The following GALNT14 variants were observed in gnomAD, a reference collection of about 807,000 sequenced individuals.
GALNT14 encodes UDP-GalNAc:polypeptide N-acetylgalactosaminyltransferase 14.
A neutral mutation model predicts 77.5 loss-of-function variants in GALNT14; 60 were observed. That is an observed-to-expected ratio of 0.77 (90% CI 0.63 to 0.96). The LOEUF (loss-of-function observed/expected upper bound fraction) is 0.96. Among genes scored for constraint, GALNT14 ranks in the 40% least tolerant of loss-of-function variants. GALNT14 has a pLI of 0.00. For missense variants in GALNT14, 710 were observed against 731.0 expected (o/e 0.97, Z 0.33); for synonymous variants, 280 against 281.7 (o/e 0.99, Z 0.06).
At chr2:30,904,403 G>A in the GALNT14 span, among the ~76,000 whole-genome samples, 21 of 152,224 alleles carry the variant, frequency 1.4e-4, no homozygotes, top group Non-Finnish European at 3.1e-4. Context: ...CTTGGGAAGC[G>A]CAAGGGTTCA....
intron 1 of GALNT14, among the ~76,000 whole-genome samples, chr2:31,012,212 G>C (rs372322727): frequency 3.9e-5 from 6 of 152,126 alleles, no homozygotes; most frequent in Non-Finnish European, 7.4e-5. Flanking sequence ...ACAGAATAAA[G>C]GCCAAGTTCT....
chr2:30,901,914 C>G, the GALNT14 span, among the ~76,000 whole-genome samples: 1 of 152,122 alleles, frequency 6.6e-6, no homozygotes, highest in Non-Finnish European at 1.5e-5. Flanking sequence ...CCTTTAAGAT[C>G]CTTAGAGTGT....
At chr2:31,039,359 C>G (rs1047973580) in intron 1 of GALNT14, among the ~76,000 whole-genome samples, 1 of 152,178 alleles carries the variant, frequency 6.6e-6, no homozygotes, top group Non-Finnish European at 1.5e-5. Context: ...TTGCAGAGAA[C>G]CTTTTTAGTG....
At chr2:30,943,003 G>A (rs1666472515) in intron 8 of GALNT14, among the ~76,000 whole-genome samples, 1 of 152,192 alleles carries the variant, frequency 6.6e-6, no homozygotes, top group African/African-American at 2.4e-5. Context: ...CACACAGAAG[G>A]AAGAGAATGT....
At chr2:30,892,061 G>A in the GALNT14 span, among the ~76,000 whole-genome samples, 1 of 152,164 alleles carries the variant, frequency 6.6e-6, no homozygotes, top group Non-Finnish European at 1.5e-5. Context: ...GATCACCTTC[G>A]ATCACCCTAT....
At chr2:31,015,579 AGACTGCT>A (rs1434848915) in intron 1 of GALNT14, among the ~76,000 whole-genome samples, 1 of 152,236 alleles carries the variant, frequency 6.6e-6, no homozygotes, top group Non-Finnish European at 1.5e-5. Flanking sequence ...TTTATGATGG[AGACTGCT>A]GGCCAGTACC....
At position 31,049,965 on chromosome 2, in the gene GALNT14, G is replaced by C. The variant is rs181954981; in HGVS notation, c.130-56958C>G. Among the ~76,000 whole-genome samples the C allele has an allele frequency of 9.5e-4, 144 of 152,276 alleles. 1 individual carries two copies. Among genetic ancestry groups the C allele is most frequent in the African/African-American group, 3.4e-3 (142 of 41,552 alleles). On this transcript the variant is annotated intron_variant, in intron 1 of 14. Transcript: ENST00000349752. The stretch of plus-strand genomic sequence containing the variant: ...GAAAAGTATGGGACCAGGAGGTAGG[G>C]GTGGGAGGGCCAAATGAACAGAAAA...
intron 6 of GALNT14, among the ~76,000 whole-genome samples, chr2:30,947,791 TG>T (rs1404109925): frequency 1.3e-5 from 2 of 152,246 alleles, no homozygotes; most frequent in African/African-American, 4.8e-5. Flanking sequence ...ATTCACTGAG[TG>T]CCTGATTTTA....
At chr2:31,137,257 C>A (rs1170978770) in intron 1 of GALNT14, among the ~76,000 whole-genome samples, 1 of 152,206 alleles carries the variant, frequency 6.6e-6, no homozygotes, top group African/African-American at 2.4e-5. Context: ...TAAGAGTGAG[C>A]CTATAGGGGG....
intron 9 of GALNT14, 116 bp from the exon 10 acceptor site, chr2:30,932,310 C>G (rs1305704763): frequency 1.0e-6 from 1 of 997,720 alleles, no homozygotes; most frequent in East Asian, 2.9e-5. Flanking sequence ...GACTCTGCAG[C>G]CAGTCTGTAG....
intron 9 of GALNT14, among the ~76,000 whole-genome samples, chr2:30,937,154 G>A (rs1666105171): frequency 6.6e-6 from 1 of 152,218 alleles, no homozygotes; most frequent in African/African-American, 2.4e-5. Context: ...AAAGGGTGAG[G>A]CTGAAAGAGA....
At chr2:31,102,643 C>T (rs1298652743) in intron 1 of GALNT14, among the ~76,000 whole-genome samples, 1 of 152,092 alleles carries the variant, frequency 6.6e-6, no homozygotes, top group Non-Finnish European at 1.5e-5. Flanking sequence ...ACAGGGTTTG[C>T]TATTTATCAA....
intron 2 of GALNT14, among the ~76,000 whole-genome samples, chr2:30,987,662 TCAG>T (rs1454110360): frequency 6.6e-6 from 1 of 152,048 alleles, no homozygotes; most frequent in East Asian, 1.9e-4. Flanking sequence ...GGGGATTCAA[TCAG>T]CACAGCTGCC....
chr2:30,969,220 C>T (rs1668194829), intron 2 of GALNT14, among the ~76,000 whole-genome samples: 2 of 152,234 alleles, frequency 1.3e-5, no homozygotes, highest in African/African-American at 2.4e-5. Context: ...CCTGCCACCA[C>T]CAGGACCGGG....
chr2:31,032,290 G>A lies in GALNT14; in HGVS notation c.130-39283C>T, dbSNP rs561406507. 2.4e-4 allele frequency among the ~76,000 whole-genome samples: 37 copies of A among 152,246 alleles called. No individual in the cohort carries two copies. In the South Asian group the frequency reaches 2.5e-3, roughly 10 times the overall value. On this transcript the variant is annotated intron_variant, in intron 1 of 14. Transcript: ENST00000349752. ...TGAGGATCCACTCGCTCAAGATACC[G>A]CCCAGCCACTGACATCCCAGAACTT...
downstream of GALNT14, among the ~76,000 whole-genome samples, chr2:30,908,523 G>C (rs1445203188): frequency 2.1e-5 from 3 of 145,850 alleles, no homozygotes; most frequent in Admixed American, 6.9e-5. Flanking sequence ...ACCTCTTCAA[G>C]GAGAACTACA....
chr2:30,962,014 G>A (rs1667723260), intron 3 of GALNT14, among the ~76,000 whole-genome samples: 1 of 152,032 alleles, frequency 6.6e-6, no homozygotes, highest in African/African-American at 2.4e-5. Flanking sequence ...TTCTACAGAT[G>A]GGGCCCAAGA....
intron 1 of GALNT14, among the ~76,000 whole-genome samples, chr2:31,052,075 C>T (rs1673906338): frequency 6.6e-6 from 1 of 152,176 alleles, no homozygotes; most frequent in African/African-American, 2.4e-5. Flanking sequence ...CCCGATGGCG[C>T]TCCACGGGAC....
chr2:31,070,255 C>T (rs1178554333), intron 1 of GALNT14, among the ~76,000 whole-genome samples: 1 of 152,198 alleles, frequency 6.6e-6, no homozygotes, highest in Non-Finnish European at 1.5e-5. Context: ...ACCTGGCACT[C>T]ACCCAGCTTC....
Sources: allele counts gnomAD v4.1 joint callset (sites outside exome capture counted in the v4.1 genomes callset), GRCh38; gene constraint gnomAD v4.1.1; transcripts MANE v1.5; gene names NCBI Gene and HGNC (gene_info 2026-07-23, HGNC 2026-07-21).